Variants in TEAD1 observed in about 807,000 individuals in gnomAD.
TEAD1 encodes the protein TEA domain transcription factor 1.
Under a neutral mutation model 54.9 loss-of-function variants are expected in TEAD1, and 9 were observed. The observed-to-expected ratio is 0.16, with a 90% CI of 0.10 to 0.29. The LOEUF is 0.29. Ranked by LOEUF, TEAD1 falls within the 10% of genes least tolerant of loss-of-function variation. TEAD1 has a pLI of 1.00. For synonymous variants in TEAD1, 200 were observed against 187.8 expected (o/e 1.07, Z -0.53); for missense variants, 387 against 535.9 (o/e 0.72, Z 2.74).
At chr11:12,702,371 C>G (rs572444389) in intron 2 of TEAD1, among the ~76,000 whole-genome samples, 4 of 152,202 alleles carry the variant, frequency 2.6e-5, no homozygotes, top group African/African-American at 7.2e-5. Context: ...ACCAGTCCCT[C>G]GACACCACTC....
At chr11:12,721,768 G>C (rs955859035) in intron 2 of TEAD1, among the ~76,000 whole-genome samples, 1 of 152,120 alleles carries the variant, frequency 6.6e-6, no homozygotes. Context: ...ACTCTTTAGG[G>C]TTAAATACTC....
chr11:12,866,682 A>T (rs1034667058), intron 5 of TEAD1, among the ~76,000 whole-genome samples: 4 of 152,186 alleles, frequency 2.6e-5, no homozygotes, highest in African/African-American at 9.7e-5. Flanking sequence ...GTAGGATAGC[A>T]ACTGGCTCAG....
At chr11:12,692,099 A>T (rs908996081) in intron 2 of TEAD1, among the ~76,000 whole-genome samples, 1 of 152,188 alleles carries the variant, frequency 6.6e-6, no homozygotes, top group African/African-American at 2.4e-5. Context: ...CAAGTCTAAG[A>T]TGAGTGTTTT....
chr11:12,845,213 C>T (rs1438161520), intron 3 of TEAD1, among the ~76,000 whole-genome samples: 2 of 151,988 alleles, frequency 1.3e-5, no homozygotes, highest in Admixed American at 1.3e-4. Context: ...GATCCACCCT[C>T]GGCCTCTGAA....
At chr11:12,697,063 C>T (rs1295685122) in intron 2 of TEAD1, among the ~76,000 whole-genome samples, 2 of 152,070 alleles carry the variant, frequency 1.3e-5, no homozygotes, top group Admixed American at 6.6e-5. Flanking sequence ...TTTTCCCAGT[C>T]GTGCCTGGGG....
chr11:12,780,886 A>G (rs1199010660), intron 3 of TEAD1, among the ~76,000 whole-genome samples: 2 of 152,200 alleles, frequency 1.3e-5, no homozygotes, highest in African/African-American at 2.4e-5. Context: ...GACCCAGAAT[A>G]GCCAAAACAA....
intron 2 of TEAD1, among the ~76,000 whole-genome samples, chr11:12,755,360 G>A (rs757767061): frequency 3.3e-5 from 5 of 152,076 alleles, no homozygotes; most frequent in Non-Finnish European, 5.9e-5. Context: ...TATAATAATC[G>A]GATGGTGAAT....
intron 10 of TEAD1, among the ~76,000 whole-genome samples, chr11:12,908,360 C>G (rs992995808): frequency 6.6e-6 from 1 of 152,198 alleles, no homozygotes; most frequent in Non-Finnish European, 1.5e-5. Flanking sequence ...TCTGTTTCCC[C>G]TGCCCTGCCC....
chr11:12,790,005 C>T (rs1488983904), intron 3 of TEAD1, among the ~76,000 whole-genome samples: 1 of 152,252 alleles, frequency 6.6e-6, no homozygotes, highest in Non-Finnish European at 1.5e-5. Flanking sequence ...TTGGTGACAG[C>T]TTTCTGCTTA....
intron 3 of TEAD1, among the ~76,000 whole-genome samples, chr11:12,770,860 C>T (rs1420345204): frequency 6.6e-6 from 1 of 152,188 alleles, no homozygotes; most frequent in Non-Finnish European, 1.5e-5. Context: ...TGAAAGAGAG[C>T]ATGAGACAGA....
chr11:12,716,139 G>C lies in TEAD1; in HGVS notation c.-55+40578G>C, dbSNP rs536495143. Among the ~76,000 whole-genome samples the C allele has an allele frequency of 9.9e-5, 15 of 152,064 alleles. No individual in the cohort carries two copies. In the East Asian group the frequency reaches 2.7e-3, roughly 28 times the overall value. On this transcript the variant is annotated intron_variant, in intron 2 of 12. Coordinates refer to ENST00000527636, the MANE Select transcript of TEAD1 (RefSeq NM_021961.6). ...GCGGGCTCTTTGTCTGTCGGCTTCC[G>C]GCCGAGGGATGGGAGGGGGAGCAGT...
chr11:12,783,434 GAC>G (rs1310875964), intron 3 of TEAD1, among the ~76,000 whole-genome samples: 1 of 152,102 alleles, frequency 6.6e-6, no homozygotes, highest in African/African-American at 2.4e-5. Context: ...GAACTTGGAA[GAC>G]ACGTGCCAAT....
At chr11:12,708,678 T>C (rs142816285) in intron 2 of TEAD1, among the ~76,000 whole-genome samples, 26 of 152,316 alleles carry the variant, frequency 1.7e-4, no homozygotes, top group African/African-American at 6.3e-4. Flanking sequence ...CACCATAATG[T>C]TTAGTGTTGC....
At chr11:12,702,218 A>G (rs1190198117) in intron 2 of TEAD1, among the ~76,000 whole-genome samples, 1 of 152,182 alleles carries the variant, frequency 6.6e-6, no homozygotes, top group East Asian at 1.9e-4. Flanking sequence ...GTGCCATGGC[A>G]GGCTCAGGTG....
intron 3 of TEAD1, among the ~76,000 whole-genome samples, chr11:12,818,699 G>C (rs117169747): frequency 6.4e-4 from 97 of 152,284 alleles, no homozygotes; most frequent in Admixed American, 1.0e-3. Context: ...AGCTTAGAGG[G>C]CAACAGGGAG....
At chr11:12,786,723 G>C (rs1308061896) in intron 3 of TEAD1, among the ~76,000 whole-genome samples, 3 of 152,182 alleles carry the variant, frequency 2.0e-5, no homozygotes, top group African/African-American at 4.8e-5. Flanking sequence ...ACAGACAAGA[G>C]TTGGTGAACT....
At chr11:12,851,950 T>A (rs1461395863) in intron 3 of TEAD1, among the ~76,000 whole-genome samples, 1 of 152,182 alleles carries the variant, frequency 6.6e-6, no homozygotes, top group Non-Finnish European at 1.5e-5. Flanking sequence ...AGTGCAGCAG[T>A]AGCAGGGGTG....
In TEAD1 at chr11:12,713,670, A is replaced by G. The variant is rs533362272; in HGVS notation, c.-55+38109A>G. Among the ~76,000 whole-genome samples, 7 of 152,324 alleles carry G rather than the reference A, an allele frequency of 4.6e-5. No individual in the cohort carries two copies. The South Asian group carries it at 6.2e-4, about 14-fold the overall frequency. ...TACAACCCAATTAAAATGGCTGTGT[A>G]ATAAAGCGATCTTATATCTCATAGG... On this transcript the variant is annotated intron_variant, in intron 2 of 12. Transcript: ENST00000527636.
At chr11:12,732,426 T>TA (rs1242613058) in intron 2 of TEAD1, among the ~76,000 whole-genome samples, 1 of 152,148 alleles carries the variant, frequency 6.6e-6, no homozygotes, top group Non-Finnish European at 1.5e-5. Flanking sequence ...TGAATATATA[T>TA]TTTTTTGATT....
Sources: gnomAD v4.1 joint callset for allele counts (sites outside exome capture counted in the v4.1 genomes callset) on GRCh38, gnomAD v4.1.1 for gene constraint, MANE v1.5 for transcripts, NCBI Gene and HGNC (gene_info 2026-07-23, HGNC 2026-07-21) for gene names.